CDC16: variants seen among roughly 807,000 people sequenced by gnomAD.
CDC16 encodes the protein cell division cycle protein 16 homolog.
CDC16 carries 34 observed loss-of-function variants against 87.0 expected under a neutral mutation model. The observed-to-expected ratio is 0.39, with a 90% CI of 0.30 to 0.52. CDC16 has a LOEUF of 0.52. Ranked by LOEUF, CDC16 falls within the 20% of genes least tolerant of loss-of-function variation. The pLI is 0.74. For synonymous variants in CDC16, 263 were observed against 260.6 expected (o/e 1.01, Z -0.09); for missense variants, 653 against 751.9 (o/e 0.87, Z 1.54).
chr13:114,253,108 A>G (rs2082287600), intron 12 of CDC16, among the ~76,000 whole-genome samples: 1 of 152,234 alleles, frequency 6.6e-6, no homozygotes, highest in African/African-American at 2.4e-5. Context: ...CAAAAACCTC[A>G]TGATAGCTCA....
rs17338031 is a variant in CDC16, at chr13:114,247,958, C to T, written c.971+954C>T. Among the ~76,000 whole-genome samples, 78 of 148,236 alleles carry T rather than the reference C, an allele frequency of 5.3e-4. 1 individual carries two copies. In the Middle Eastern group the frequency reaches 0.017, roughly 33 times the overall value. The stretch of plus-strand genomic sequence containing the variant: ...ATGTAGTTTGAAAGTTTCTCTCTTT[C>T]GCTTACAGAGATCCTGTTAACCTTT... On this transcript the variant is annotated intron_variant, in intron 11 of 17. Coordinates refer to ENST00000356221, the MANE Select transcript of CDC16 (RefSeq NM_001078645.3).
chr13:114,265,090 GT>G, intron 16 of CDC16, 59 bp from the exon 17 acceptor site: 2 of 1,190,102 alleles, frequency 1.7e-6, no homozygotes, highest in Non-Finnish European at 2.5e-6. Context: ...AAATGAATCA[GT>G]GTGGTAAGAG....
chr13:114,267,797 T>A (rs188976650), intron 17 of CDC16, among the ~76,000 whole-genome samples: 1 of 145,944 alleles, frequency 6.9e-6, no homozygotes, highest in Admixed American at 6.6e-5. Context: ...ATGGCTGGAT[T>A]TTTCTCCTTG....
At position 114,259,094 on chromosome 13, in the gene CDC16, T is replaced by TAA. The variant is rs5807005; in HGVS notation, c.1251-222_1251-221dup. 1.3e-4 allele frequency among the ~76,000 whole-genome samples: 15 copies of TAA among 111,442 alleles called. 1 individual carries two copies. The highest frequency in any genetic ancestry group is 2.8e-4 in the Admixed American group (3 of 10,700). The allele number at this position is 111,442 out of a possible 152,430, so 73.1% of individuals were successfully genotyped here. A position where few individuals can be genotyped will look rare whatever the true frequency, so the allele number is the denominator to read the frequency against. On this transcript the variant is annotated intron_variant, in intron 13 of 17. Transcript: ENST00000356221. ...AGCCTAGGTAACAGAGTGAGACTCT[T>TAA]AAAAAAAAAAAAAAAAAAAAGGAAT...
chr13:114,260,743 A>G (rs1032690977), intron 14 of CDC16, among the ~76,000 whole-genome samples: 3 of 152,210 alleles, frequency 2.0e-5, no homozygotes, highest in Admixed American at 6.5e-5. Context: ...AACTGCAGCA[A>G]ATGTCAAAGA....
chr13:114,243,509 A>AG (rs2081669888), intron 7 of CDC16, among the ~76,000 whole-genome samples, 161 bp downstream of exon 7: 1 of 151,464 alleles, frequency 6.6e-6, no homozygotes, highest in African/African-American at 2.4e-5. Flanking sequence ...AAAAAAAAAA[A>AG]GCTTTCAAAA....
chr13:114,262,870 C>G lies in CDC16; in HGVS notation c.1377-9C>G, dbSNP rs1385211970. The G allele has an allele frequency of 6.2e-7, 1 of 1,614,064 alleles. No individual in the cohort carries two copies. The highest frequency in any genetic ancestry group is 8.5e-7 in the Non-Finnish European group (1 of 1,179,958). ...TTACTGTAGCCAATAATTGTGTTCT[C>G]TCCCACAGAAAGTATGCTGAGGCCT... On this transcript the variant is annotated splice_polypyrimidine_tract_variant and intron_variant, in intron 15 of 17. Coordinates refer to ENST00000356221, the MANE Select transcript of CDC16 (RefSeq NM_001078645.3).
At chr13:114,253,785 G>A (rs1444095718) in intron 12 of CDC16, among the ~76,000 whole-genome samples, 2 of 152,024 alleles carry the variant, frequency 1.3e-5, no homozygotes, top group Non-Finnish European at 2.9e-5. Context: ...GTTGGGTGAA[G>A]TGTTCCATAG....
intron 7 of CDC16, among the ~76,000 whole-genome samples, chr13:114,243,653 C>T (rs550189690): frequency 2.8e-4 from 42 of 152,182 alleles, no homozygotes; most frequent in African/African-American, 9.4e-4. Context: ...AAATACGTCC[C>T]GCTGTGGAAT....
chr13:114,255,660 G>C (rs2082452340), intron 12 of CDC16, among the ~76,000 whole-genome samples: 1 of 151,982 alleles, frequency 6.6e-6, no homozygotes, highest in Admixed American at 6.5e-5. Context: ...TACTCAACCT[G>C]TACATAGAGT....
chr13:114,265,113 T>A (rs1234233156), intron 16 of CDC16, 37 bp from the exon 17 acceptor site: 2 of 1,396,368 alleles, frequency 1.4e-6, no homozygotes, highest in African/African-American at 2.8e-5. Flanking sequence ...AGGAAATATG[T>A]TTTCTTTTAA....
intron 11 of CDC16, chr13:114,247,214 G>T: frequency 1.8e-6 from 1 of 552,414 alleles, no homozygotes; most frequent in East Asian, 3.1e-5. Context: ...TTCTCACTCT[G>T]TTGCCCAGAC....
At chr13:114,239,879 A>T (rs899355215) in intron 5 of CDC16, among the ~76,000 whole-genome samples, 2 of 152,162 alleles carry the variant, frequency 1.3e-5, no homozygotes, top group African/African-American at 4.8e-5. Flanking sequence ...TGTTTGCTTC[A>T]AAGTACATTG....
rs1204977314 is a variant in CDC16 at position 114,234,911 on chromosome 13, G to C, written c.-174G>C. The C allele has an allele frequency of 5.0e-6, 2 of 398,498 alleles. No homozygotes were observed. The highest frequency in any genetic ancestry group is 8.7e-6 in the Non-Finnish European group (2 of 229,200). The allele number at this position is 398,498 out of a possible 1,614,324, so 24.7% of individuals were successfully genotyped here. A position where few individuals can be genotyped will look rare whatever the true frequency, so the allele number is the denominator to read the frequency against. Reference sequence around the variant, plus strand: ...AGAGCCTGGGCAGTGCACGGGGCCTGGGTGGGGGGTGCGGGTGTGGGTGGG... The same window carrying C: ...AGAGCCTGGGCAGTGCACGGGGCCTCGGTGGGGGGTGCGGGTGTGGGTGGG... On this transcript the variant is annotated 5_prime_UTR_variant, in exon 1 of 18. Coordinates refer to ENST00000356221, the MANE Select transcript of CDC16 (RefSeq NM_001078645.3).
intron 12 of CDC16, among the ~76,000 whole-genome samples, chr13:114,252,414 G>A (rs184007152): frequency 2.0e-5 from 3 of 152,152 alleles, no homozygotes; most frequent in Non-Finnish European, 4.4e-5. Flanking sequence ...GTATGAATTT[G>A]GGGGGCAGAG....
At chr13:114,236,485 GA>G (rs1309285291) in intron 1 of CDC16, among the ~76,000 whole-genome samples, 159 bp from the exon 2 acceptor site, 7 of 152,092 alleles carry the variant, frequency 4.6e-5, no homozygotes, top group African/African-American at 1.7e-4. Flanking sequence ...CCCTACGTGA[GA>G]TGTAAGATAG....
intron 12 of CDC16, among the ~76,000 whole-genome samples, chr13:114,255,242 G>A (rs2082423665): frequency 6.6e-6 from 1 of 152,126 alleles, no homozygotes; most frequent in African/African-American, 2.4e-5. Context: ...AAGAAGCTGT[G>A]AGGAAAGAAG....
chr13:114,265,247 T>C lies in CDC16; in HGVS notation c.1603+7T>C. The C allele has an allele frequency of 6.5e-7, 1 of 1,539,608 alleles. No homozygotes were observed. Among genetic ancestry groups the C allele is most frequent in the South Asian group, 1.1e-5 (1 of 89,480 alleles). On this transcript the variant is annotated splice_region_variant and intron_variant, in intron 17 of 17. Transcript: ENST00000356221. The stretch of plus-strand genomic sequence containing the variant: ...GATTCTGAAGCTTATATTGGTAAGA[T>C]AATCGTTATTCTTATTGGTATTGTA...
At chr13:114,236,508 ATTG>A (rs2081256967) in intron 1 of CDC16, 134 bp from the exon 2 acceptor site, 3 of 737,114 alleles carry the variant, frequency 4.1e-6, no homozygotes, top group Admixed American at 4.2e-5. Flanking sequence ...GATGTAACAA[ATTG>A]TTGTCTTGAG....
Sources: gnomAD v4.1 joint callset for allele counts (sites outside exome capture counted in the v4.1 genomes callset) on GRCh38, gnomAD v4.1.1 for gene constraint, MANE v1.5 for transcripts, NCBI Gene and HGNC (gene_info 2026-07-23, HGNC 2026-07-21) for gene names.